The following VPS13B variants were observed in gnomAD, a reference collection of about 807,000 sequenced individuals.
VPS13B encodes intermembrane lipid transfer protein VPS13B.
VPS13B carries 285 observed loss-of-function variants against 426.4 expected under a neutral mutation model. The ratio of observed to expected loss-of-function variants is 0.67; its 90% CI spans 0.61 to 0.74. VPS13B has a LOEUF of 0.74. VPS13B is among the 30% of genes least tolerant of loss of function. VPS13B has a pLI of 0.00. For missense variants in VPS13B, 4,537 were observed against 4,782.6 expected (o/e 0.95, Z 1.51); for synonymous variants, 1,676 against 1,676.4 (o/e 1.00, Z 0.01).
chr8:99,681,837 A>AAAATTAAAAGT (rs1831166186), intron 35 of VPS13B, among the ~76,000 whole-genome samples: 2 of 152,334 alleles, frequency 1.3e-5, no homozygotes, highest in South Asian at 4.1e-4. Flanking sequence ...AAATTTTGAT[A>AAAATTAAAAGT]CATAAATAAC....
At chr8:99,280,551 A>G (rs776444056) in intron 19 of VPS13B, among the ~76,000 whole-genome samples, 20 of 152,222 alleles carry the variant, frequency 1.3e-4, no homozygotes, top group Non-Finnish European at 2.5e-4. Context: ...ATGAACATTT[A>G]TGACAGATGT....
At chr8:99,651,137 TA>T (rs1829798630) in intron 34 of VPS13B, among the ~76,000 whole-genome samples, 1 of 152,110 alleles carries the variant, frequency 6.6e-6, no homozygotes, top group African/African-American at 2.4e-5. Flanking sequence ...ACTTTAAACA[TA>T]TACATTTAAA....
chr8:99,395,547 A>T (rs1330474012), intron 21 of VPS13B, among the ~76,000 whole-genome samples: 1 of 152,202 alleles, frequency 6.6e-6, no homozygotes, highest in Non-Finnish European at 1.5e-5. Flanking sequence ...CCCTAGACTC[A>T]CCTTAAACAA....
intron 55 of VPS13B, among the ~76,000 whole-genome samples, chr8:99,849,240 A>G (rs1017624313): frequency 4.6e-5 from 7 of 152,204 alleles, no homozygotes; most frequent in Non-Finnish European, 8.8e-5. Context: ...TAGCAATTAG[A>G]GCTACATCAA....
chr8:99,640,043 G>GAA (rs1376934294), intron 33 of VPS13B, among the ~76,000 whole-genome samples: 4 of 82,180 alleles, frequency 4.9e-5, no homozygotes, highest in Non-Finnish European at 9.9e-5. Context: ...AGAAGAAGAA[G>GAA]AAGAAGAGAA....
At chr8:99,143,324 G>A (rs1563565678) in intron 13 of VPS13B, among the ~76,000 whole-genome samples, 159 bp downstream of exon 13, 1 of 152,224 alleles carries the variant, frequency 6.6e-6, no homozygotes, top group Non-Finnish European at 1.5e-5. Context: ...ATAAACTTGT[G>A]TGTAGAAGTT....
At chr8:99,793,131 G>A (rs1002094360) in intron 43 of VPS13B, among the ~76,000 whole-genome samples, 2 of 150,328 alleles carry the variant, frequency 1.3e-5, no homozygotes, top group Admixed American at 6.6e-5. Flanking sequence ...TTGACCCTTT[G>A]AGGCAGAGTT....
At chr8:99,813,999 G>C (rs1171584852) in intron 44 of VPS13B, among the ~76,000 whole-genome samples, 1 of 152,068 alleles carries the variant, frequency 6.6e-6, no homozygotes, top group Non-Finnish European at 1.5e-5. Flanking sequence ...CATTAGCCAG[G>C]CATGGTGGCA....
intron 34 of VPS13B, 59 bp downstream of exon 34, chr8:99,642,557 C>T: frequency 7.0e-7 from 1 of 1,437,040 alleles, no homozygotes; most frequent in East Asian, 2.4e-5. Flanking sequence ...GTTGTATTCC[C>T]ATAGTTTCCA....
chr8:99,280,005 G>A (rs1389058613), intron 19 of VPS13B, among the ~76,000 whole-genome samples: 3 of 152,130 alleles, frequency 2.0e-5, no homozygotes, highest in East Asian at 3.9e-4. Context: ...TCCTGACCTC[G>A]TGATCCACCT....
At chr8:99,053,340 T>A (rs1216787607) in intron 3 of VPS13B, among the ~76,000 whole-genome samples, 1 of 152,064 alleles carries the variant, frequency 6.6e-6, no homozygotes, top group African/African-American at 2.4e-5. Flanking sequence ...CCTTCCTGTG[T>A]CCATGTGTTC....
At chr8:99,345,055 AT>A (rs567282070) in intron 19 of VPS13B, among the ~76,000 whole-genome samples, 348 of 152,122 alleles carry the variant, frequency 2.3e-3, no homozygotes, top group Non-Finnish European at 4.0e-3. Flanking sequence ...TTAGGAATCA[AT>A]TTTTTTCCTT....
intron 31 of VPS13B, among the ~76,000 whole-genome samples, chr8:99,558,948 T>C (rs1417689860): frequency 1.3e-5 from 2 of 152,190 alleles, no homozygotes; most frequent in Non-Finnish European, 2.9e-5. Flanking sequence ...CTGGATCAAA[T>C]GGTATTTCTA....
chr8:99,414,877 A>G (rs542777959), intron 21 of VPS13B, among the ~76,000 whole-genome samples: 6 of 151,996 alleles, frequency 3.9e-5, no homozygotes, highest in East Asian at 1.9e-4. Context: ...AACCATCATT[A>G]TGTGTCTTGG....
At chr8:99,172,407 C>T (rs1013338815) in intron 16 of VPS13B, among the ~76,000 whole-genome samples, 2 of 151,936 alleles carry the variant, frequency 1.3e-5, no homozygotes, top group Non-Finnish European at 2.9e-5. Context: ...TCTTAGGTAC[C>T]TAGTTAAAGT....
chr8:99,275,289 C>CTT (rs11332378), intron 19 of VPS13B, 35 bp downstream of exon 19: 1,792 of 1,194,214 alleles, frequency 1.5e-3, no homozygotes, highest in African/African-American at 3.6e-3. Flanking sequence ...CCTTGTTTTG[C>CTT]TTTTTTTTTT....
At chr8:99,544,380 G>A (rs994213173) in intron 30 of VPS13B, among the ~76,000 whole-genome samples, 1 of 152,078 alleles carries the variant, frequency 6.6e-6, no homozygotes, top group African/African-American at 2.4e-5. Context: ...GAGTTAGTGG[G>A]TGCAGCGCAC....
chr8:99,061,296 C>CTT (rs36037937), intron 3 of VPS13B, among the ~76,000 whole-genome samples: 7,281 of 112,904 alleles, frequency 0.064, 404 homozygotes, highest in Middle Eastern at 0.14. Flanking sequence ...TGCTAATTTT[C>CTT]TTTTTTTTTT....
chr8:99,458,575 C>A (rs936886072), intron 23 of VPS13B, among the ~76,000 whole-genome samples: 45 of 152,188 alleles, frequency 3.0e-4, no homozygotes, highest in African/African-American at 1.0e-3. Flanking sequence ...TCCTCTCCAG[C>A]ACCTGTTGTT....
Sources: allele counts gnomAD v4.1 joint callset (sites outside exome capture counted in the v4.1 genomes callset), GRCh38; gene constraint gnomAD v4.1.1; transcripts MANE v1.5; gene names NCBI Gene and HGNC (gene_info 2026-07-23, HGNC 2026-07-21).